CFAP97D2: variants seen among roughly 807,000 people sequenced by gnomAD.
CFAP97D2 encodes the protein CFAP97 domain containing 2, also known as uncharacterized protein CFAP97D2.
intron 3 of CFAP97D2, among the ~76,000 whole-genome samples, chr13:114,202,712 G>A (rs1435121565): frequency 6.6e-6 from 1 of 152,228 alleles, no homozygotes; most frequent in Non-Finnish European, 1.5e-5. Context: ...CCAGGTGAGT[G>A]TGGCCCCACG....
Position 114,179,989 on chromosome 13 carries a change from G to A in CFAP97D2, c.90+569G>A, listed in dbSNP as rs955674585. Among the ~76,000 whole-genome samples the A allele has an allele frequency of 6.6e-6, 1 of 152,150 alleles. No individual in the cohort carries two copies. Among genetic ancestry groups the A allele is most frequent in the African/African-American group, 2.4e-5 (1 of 41,446 alleles). On this transcript the variant is annotated intron_variant, in intron 1 of 4. Coordinates refer to ENST00000646158, the Ensembl canonical transcript of CFAP97D2. The surrounding 1 kb of genome is among the most constrained non-coding windows in gnomAD (Gnocchi z 4.8). ...TCTATCAAAACAGTGGACTCCAAGG[G>A]GGACTAAAAGCCAACCCTTGTCCCC... is the stretch of plus-strand genomic sequence containing the variant.
intron 1 of CFAP97D2, among the ~76,000 whole-genome samples, chr13:114,180,157 A>G (rs1217883332): frequency 6.6e-6 from 1 of 152,238 alleles, no homozygotes; most frequent in East Asian, 1.9e-4. Context: ...TGTTCCATGT[A>G]TCATGTCTCC....
In CFAP97D2 at chr13:114,187,249, G is replaced by A. The variant is rs956122305; in HGVS notation, c.90+7829G>A. ...AAATGCTCAATTAAAACCACAAAAG[G>A]CAGAAAAGACAAAAATAACAAATAT... On this transcript the variant is annotated intron_variant, in intron 1 of 4. Transcript: ENST00000646158. The surrounding 1 kb of genome is among the most constrained non-coding windows in gnomAD (Gnocchi z 4.2). Among the ~76,000 whole-genome samples the A allele has an allele frequency of 6.6e-6, 1 of 151,576 alleles. No homozygotes were observed. Among genetic ancestry groups the A allele is most frequent in the Non-Finnish European group, 1.5e-5 (1 of 67,908 alleles).
intron 1 of CFAP97D2, among the ~76,000 whole-genome samples, chr13:114,195,609 T>C (rs2080883394): frequency 6.6e-6 from 1 of 152,238 alleles, no homozygotes; most frequent in South Asian, 2.1e-4. Flanking sequence ...TCTCATGCAT[T>C]TAACCTGTCA....
intron 3 of CFAP97D2, among the ~76,000 whole-genome samples, chr13:114,202,554 C>A (rs1224539619): frequency 6.6e-6 from 1 of 152,260 alleles, no homozygotes; most frequent in Non-Finnish European, 1.5e-5. Flanking sequence ...CTGCTTCCAG[C>A]TCAGCAATGC....
intron 4 of CFAP97D2, among the ~76,000 whole-genome samples, chr13:114,215,214 A>T (rs571409165): frequency 3.7e-4 from 57 of 152,306 alleles, no homozygotes; most frequent in Admixed American, 5.9e-4. Context: ...ATATTTTTAA[A>T]CTTTGGACCA....
At chr13:114,182,511 G>C (rs927446503) in intron 1 of CFAP97D2, among the ~76,000 whole-genome samples, 2 of 151,744 alleles carry the variant, frequency 1.3e-5, no homozygotes, top group Non-Finnish European at 2.9e-5. Flanking sequence ...CTGGGGTACA[G>C]TCAGGTCTTT....
intron 1 of CFAP97D2, among the ~76,000 whole-genome samples, chr13:114,182,067 G>A (rs935816514): frequency 7.9e-5 from 12 of 152,082 alleles, no homozygotes; most frequent in Non-Finnish European, 1.2e-4. Context: ...ACCAGCACCG[G>A]TCTCTGAGTT....
rs1191211508 is a variant in CFAP97D2 at position 114,179,668 on chromosome 13, A to G, written c.90+248A>G. On this transcript the variant is annotated intron_variant, in intron 1 of 4. Coordinates refer to ENST00000646158, the Ensembl canonical transcript of CFAP97D2. The surrounding 1 kb of genome is among the most constrained non-coding windows in gnomAD (Gnocchi z 4.8). ...TGACAGCTTTCATGTGCCATGTTTT[A>G]GGGCCATCCTATTTCTAATCACAGC... 6.7e-6 allele frequency among the ~76,000 whole-genome samples: 1 copy of G among 149,790 alleles called. No individual in the cohort carries two copies. The highest frequency in any genetic ancestry group is 6.7e-5 in the Admixed American group (1 of 14,908).
chr13:114,181,919 T>C (rs377550867), intron 1 of CFAP97D2, among the ~76,000 whole-genome samples: 98 of 151,646 alleles, frequency 6.5e-4, no homozygotes, highest in African/African-American at 1.9e-3. Flanking sequence ...CCTGAAGGGG[T>C]GGCCTGCCCC....
chr13:114,196,880 G>A (rs1403763234), intron 2 of CFAP97D2, among the ~76,000 whole-genome samples: 1 of 152,186 alleles, frequency 6.6e-6, no homozygotes, highest in Non-Finnish European at 1.5e-5. Flanking sequence ...CATTGGTTTC[G>A]TCCAGAAAGG....
intron 1 of CFAP97D2, among the ~76,000 whole-genome samples, chr13:114,193,325 C>T (rs1023795927): frequency 2.0e-5 from 3 of 152,140 alleles, no homozygotes; most frequent in African/African-American, 7.2e-5. Flanking sequence ...ACAATAAAAG[C>T]AGTGTCTGTA....
At position 114,222,183 on chromosome 13, in the gene CFAP97D2, G is replaced by T. The variant is rs557131901; in HGVS notation, c.481-315G>T. Among the ~76,000 whole-genome samples the T allele has an allele frequency of 1.2e-4, 18 of 152,342 alleles. No homozygotes were observed. Among genetic ancestry groups the T allele is most frequent in the African/African-American group, 2.9e-4 (12 of 41,584 alleles). On this transcript the variant is annotated intron_variant, in intron 4 of 4. Coordinates refer to ENST00000646158, the Ensembl canonical transcript of CFAP97D2. This position sits in a 1 kb window ranked among gnomAD's most constrained non-coding sequence, Gnocchi z 4.4. ...AAGAGACAAAAAGTAATCAGTGGTT[G>T]TCGGGGCTGGGGGAAGGGAAATTGG...
At chr13:114,192,214 G>A (rs1212166405) in intron 1 of CFAP97D2, among the ~76,000 whole-genome samples, 2 of 152,080 alleles carry the variant, frequency 1.3e-5, no homozygotes, top group South Asian at 4.1e-4. Context: ...GAACCCTAAC[G>A]TAAACTATGG....
At chr13:114,202,862 G>A (rs2080924604) in intron 3 of CFAP97D2, among the ~76,000 whole-genome samples, 2 of 152,168 alleles carry the variant, frequency 1.3e-5, no homozygotes, top group Non-Finnish European at 2.9e-5. Context: ...TGCTGGGAGA[G>A]TCACGCCGAG....
At chr13:114,181,888 C>T (rs1400305611) in intron 1 of CFAP97D2, among the ~76,000 whole-genome samples, 1 of 152,156 alleles carries the variant, frequency 6.6e-6, no homozygotes, top group Non-Finnish European at 1.5e-5. Context: ...CGCACCTGAC[C>T]CCTCAGCCAG....
Position 114,211,630 on chromosome 13 carries a change from G to T in CFAP97D2, c.291-282G>T, listed in dbSNP as rs553954604. ...CTGCTGACCACGCTCAGGAAGCACC[G>T]GGAGACTTCCCCGCTGTGCCCCATT... On this transcript the variant is annotated intron_variant, in intron 3 of 4. Coordinates refer to ENST00000646158, the Ensembl canonical transcript of CFAP97D2. This position sits in a 1 kb window ranked among gnomAD's most constrained non-coding sequence, Gnocchi z 4.2. Among the ~76,000 whole-genome samples, 1 of 152,136 alleles carries T rather than the reference G, an allele frequency of 6.6e-6. No homozygotes were observed. The highest frequency in any genetic ancestry group is 1.5e-5 in the Non-Finnish European group (1 of 68,026).
chr13:114,193,806 T>C (rs771814011), intron 1 of CFAP97D2, among the ~76,000 whole-genome samples: 3 of 152,154 alleles, frequency 2.0e-5, no homozygotes, highest in Non-Finnish European at 4.4e-5. Context: ...AGTTGGCAAA[T>C]GTGTTTGTAG....
intron 1 of CFAP97D2, among the ~76,000 whole-genome samples, chr13:114,188,899 A>G (rs1168975724): frequency 6.6e-6 from 1 of 151,064 alleles, no homozygotes; most frequent in Non-Finnish European, 1.5e-5. Context: ...AGAAAAATCA[A>G]TAAAACTTGG....
Sources: allele counts gnomAD v4.1 joint callset (sites outside exome capture counted in the v4.1 genomes callset), GRCh38; gene constraint gnomAD v4.1.1; non-coding constraint Gnocchi (gnomAD v3.1); transcripts MANE v1.5; gene names NCBI Gene and HGNC (gene_info 2026-07-23, HGNC 2026-07-21).